The following DRC1 variants were observed in gnomAD, a reference collection of about 807,000 sequenced individuals.
DRC1 encodes dynein regulatory complex subunit 1.
In DRC1, 74 loss-of-function variants were observed where a neutral mutation model predicts 98.7. The observed-to-expected ratio is 0.75, with a 90% CI of 0.62 to 0.91. The LOEUF (loss-of-function observed/expected upper bound fraction) is 0.91. DRC1 is among the 40% of genes least tolerant of loss of function. The probability of loss-of-function intolerance (pLI) is 0.00; values close to 1 mark genes in which losing one functional copy is unlikely to be tolerated. For synonymous variants in DRC1, 336 were observed against 334.1 expected (o/e 1.01, Z -0.06); for missense variants, 875 against 886.0 (o/e 0.99, Z 0.16).
At chr2:26,439,049 GA>G (rs1663645322) in intron 7 of DRC1, among the ~76,000 whole-genome samples, 2 of 152,064 alleles carry the variant, frequency 1.3e-5, no homozygotes, top group African/African-American at 4.8e-5. Flanking sequence ...TTGACTTCAG[GA>G]TAATGCTTTA....
Position 26,454,676 on chromosome 2 carries a change from A to G in DRC1, c.1949A>G (p.Lys650Arg), listed in dbSNP as rs759721104. 2.5e-6 allele frequency: 4 copies of G among 1,614,122 alleles called. No homozygotes were observed. The highest frequency in any genetic ancestry group is 2.5e-6 in the Non-Finnish European group (3 of 1,180,016). Reference sequence around the variant, plus strand: ...TCGCGGGCCCCGCTGAGGGTACAGAAGAATGTGCGTGACAACTCCAAGGAC... The same window carrying G: ...TCGCGGGCCCCGCTGAGGGTACAGAGGAATGTGCGTGACAACTCCAAGGAC... ...RDSRAPLRVQ[K>R]NVRDNSKDSE... is the part of the protein sequence containing the mutation. Residue 650 changes from lysine to arginine, a missense_variant, in exon 15 of 17, where the codon AAG becomes AGG. Coordinates refer to ENST00000288710, the MANE Select transcript of DRC1 (RefSeq NM_145038.5). The surrounding 1 kb of genome is among the most constrained non-coding windows in gnomAD (Gnocchi z 5.2).
intron 10 of DRC1, among the ~76,000 whole-genome samples, 153 bp downstream of exon 10, chr2:26,445,101 C>G (rs1663819938): frequency 6.6e-6 from 1 of 152,190 alleles, no homozygotes; most frequent in South Asian, 2.1e-4. Context: ...TAGCTTTGCT[C>G]TCTCTCCTGT....
intron 7 of DRC1, among the ~76,000 whole-genome samples, chr2:26,438,964 C>T (rs1663642910): frequency 6.6e-6 from 1 of 152,168 alleles, no homozygotes; most frequent in Middle Eastern, 3.2e-3. Flanking sequence ...TTTTCACAAA[C>T]TGTCAGGGTG....
intron 4 of DRC1, among the ~76,000 whole-genome samples, chr2:26,428,400 T>G (rs2147989850): frequency 6.6e-6 from 1 of 152,352 alleles, no homozygotes; most frequent in African/African-American, 2.4e-5. Context: ...AACTAATTGC[T>G]CCTAGGCTAC....
At chr2:26,421,078 G>A in intron 2 of DRC1, 1 of 398,744 alleles carries the variant, frequency 2.5e-6, no homozygotes, top group Non-Finnish European at 4.7e-6. Context: ...ACTGCAGAGT[G>A]CTTTTAAATT....
chr2:26,405,684 G>A (rs1335912665), intron 1 of DRC1, among the ~76,000 whole-genome samples: 1 of 117,956 alleles, frequency 8.5e-6, no homozygotes, highest in Non-Finnish European at 1.6e-5. Flanking sequence ...TTTTGAGGCC[G>A]AGTCTCACTC....
intron 1 of DRC1, among the ~76,000 whole-genome samples, chr2:26,402,698 G>T (rs1463610872): frequency 1.3e-5 from 2 of 152,178 alleles, no homozygotes; most frequent in African/African-American, 4.8e-5. Context: ...TTTTTTACTT[G>T]ATAGGCTATC....
chr2:26,441,512 A>G (rs1368294693), intron 8 of DRC1, among the ~76,000 whole-genome samples: 1 of 152,168 alleles, frequency 6.6e-6, no homozygotes, highest in Non-Finnish European at 1.5e-5. Flanking sequence ...ATAGCAGAAC[A>G]TCCAAGAAAG....
In DRC1 at chr2:26,402,089, G is replaced by A; in HGVS notation, c.100G>A (p.Glu34Lys). ...CTCGGTCCACTCCGACAACTCTCAG[G>A]AGCGCATCCAGGCCCGGCGCCTCCG... ...APSVHSDNSQ[E>K]RIQARRLRIA... The change falls in exon 1 of 17, where the codon GAG becomes AAG. Residue 34 changes from glutamate to lysine, a missense_variant. By Grantham distance (56) the Glu-to-Lys change is moderately conservative (BLOSUM62 1). Coordinates refer to ENST00000288710, the MANE Select transcript of DRC1 (RefSeq NM_145038.5). 6.2e-7 allele frequency: 1 copy of A among 1,612,924 alleles called. No homozygotes were observed. The highest frequency in any genetic ancestry group is 8.5e-7 in the Non-Finnish European group (1 of 1,179,670).
At chr2:26,432,683 A>G (rs1035073722) in intron 7 of DRC1, among the ~76,000 whole-genome samples, 1 of 152,142 alleles carries the variant, frequency 6.6e-6, no homozygotes, top group Non-Finnish European at 1.5e-5. Context: ...CTGGCAAAGG[A>G]AAAATGTCCC....
chr2:26,440,317 GTT>G (rs1491426305), intron 7 of DRC1, 59 bp from the exon 8 acceptor site: 43 of 1,193,760 alleles, frequency 3.6e-5, no homozygotes, highest in Admixed American at 1.3e-4. Flanking sequence ...GAGTTAGTGT[GTT>G]TGTGTGTGTG....
chr2:26,450,348 T>TG (rs889431851), intron 12 of DRC1, among the ~76,000 whole-genome samples: 22 of 152,360 alleles, frequency 1.4e-4, no homozygotes, highest in African/African-American at 5.3e-4. Context: ...AACTCAAATC[T>TG]GGTGCAGCCC....
chr2:26,429,078 T>G (rs1361788484), intron 4 of DRC1, among the ~76,000 whole-genome samples: 1 of 152,160 alleles, frequency 6.6e-6, no homozygotes, highest in Non-Finnish European at 1.5e-5. Context: ...TGGTCCTGGG[T>G]GCTTGTTAAG....
chr2:26,423,387 T>C (rs1208215416), intron 3 of DRC1, among the ~76,000 whole-genome samples: 1 of 152,136 alleles, frequency 6.6e-6, no homozygotes. Flanking sequence ...AGCTGTGACT[T>C]CGGTTCCTCA....
At chr2:26,415,827 G>A (rs955407684) in intron 2 of DRC1, among the ~76,000 whole-genome samples, 1 of 152,008 alleles carries the variant, frequency 6.6e-6, no homozygotes, top group Admixed American at 6.5e-5. Flanking sequence ...CCCTACTTAG[G>A]AGGCTGAGGC....
At chr2:26,437,167 AC>A (rs1462142646) in intron 7 of DRC1, among the ~76,000 whole-genome samples, 2 of 152,182 alleles carry the variant, frequency 1.3e-5, no homozygotes, top group Non-Finnish European at 2.9e-5. Flanking sequence ...AATCATTGCA[AC>A]TTTGCAAGAA....
At chr2:26,444,579 G>A (rs1005287540) in intron 9 of DRC1, 137 bp from the exon 10 acceptor site, 39 of 1,037,326 alleles carry the variant, frequency 3.8e-5, no homozygotes, top group Non-Finnish European at 5.2e-5. Context: ...TCGTAAGTGG[G>A]AATCAGCCGC....
At position 26,447,545 on chromosome 2, in the gene DRC1, T is replaced by G. The variant is rs554272141; in HGVS notation, c.1397-1146T>G. ...TTATTAGGGAATGGTTTTTTACAAT[T>G]TAATTATGTTTTTTGTTCGTTTGTT... On this transcript the variant is annotated intron_variant, in intron 10 of 16. Transcript: ENST00000288710. Among the ~76,000 whole-genome samples, 8 of 152,226 alleles carry G rather than the reference T, an allele frequency of 5.3e-5. No homozygotes were observed. In the East Asian group the frequency reaches 1.5e-3, roughly 29 times the overall value.
intron 10 of DRC1, among the ~76,000 whole-genome samples, chr2:26,446,485 T>C (rs897512950): frequency 6.6e-6 from 1 of 152,188 alleles, no homozygotes; most frequent in South Asian, 2.1e-4. Flanking sequence ...GCTGAGAGTA[T>C]AGGATTTCTT....
Sources: allele counts gnomAD v4.1 joint callset (sites outside exome capture counted in the v4.1 genomes callset), GRCh38; gene constraint gnomAD v4.1.1; non-coding constraint Gnocchi (gnomAD v3.1); transcripts MANE v1.5; gene names NCBI Gene and HGNC (gene_info 2026-07-23, HGNC 2026-07-21).